The following PRKCH variants were observed in gnomAD, a reference collection of about 807,000 sequenced individuals.
The protein encoded by PRKCH is protein kinase C eta type.
A neutral mutation model predicts 82.5 loss-of-function variants in PRKCH; 28 were observed. The observed-to-expected ratio is 0.34, with a 90% CI of 0.25 to 0.47. The LOEUF is 0.47. Among genes scored for constraint, PRKCH ranks in the 20% least tolerant of loss-of-function variants. The probability of loss-of-function intolerance (pLI) is 1.00; values close to 1 mark genes in which losing one functional copy is unlikely to be tolerated. For synonymous variants in PRKCH, 322 were observed against 327.4 expected (o/e 0.98, Z 0.18); for missense variants, 705 against 881.8 (o/e 0.80, Z 2.54).
At chr14:61,528,973 C>CGTGTGTGGGTGT in intron 10 of PRKCH, 102 bp from the exon 11 acceptor site, 1 of 565,718 alleles carries the variant, frequency 1.8e-6, no homozygotes, top group Non-Finnish European at 2.6e-6. Context: ...TGTGGCCGCA[C>CGTGTGTGGGTGT]GTGTGTGTGT....
In PRKCH at chr14:61,281,143, G is replaced by A. The variant is rs1482775329; in HGVS notation, c.-19+93475G>A. On this transcript the variant is annotated intron_variant, in intron 1 of 3. Coordinates refer to the PRKCH transcript ENST00000555185. ...GGCGCCCCGGGCCGTGGCGCTCCAG[G>A]TCATGGCGGCCGCGCGGGGACCGAC... The A allele has an allele frequency of 1.1e-5, 15 of 1,350,412 alleles. No homozygotes were observed. The South Asian group carries it at 2.7e-4, about 24-fold the overall frequency. The allele number at this position is 1,350,412 out of a possible 1,614,324, so 83.7% of individuals were successfully genotyped here.
chr14:61,451,663 G>A (rs760935850), intron 6 of PRKCH, among the ~76,000 whole-genome samples: 1 of 152,238 alleles, frequency 6.6e-6, no homozygotes, highest in African/African-American at 2.4e-5. Context: ...GAGTTAGGGA[G>A]CTGTTGGCCT....
chr14:61,221,201 G>A (rs1386918577), intron 1 of PRKCH, among the ~76,000 whole-genome samples: 1 of 152,168 alleles, frequency 6.6e-6, no homozygotes, highest in African/African-American at 2.4e-5. Context: ...AGAGCCCACG[G>A]GTTACCGAGA....
At chr14:61,345,115 G>C (rs1323041945) in intron 1 of PRKCH, among the ~76,000 whole-genome samples, 2 of 151,954 alleles carry the variant, frequency 1.3e-5, no homozygotes, top group Non-Finnish European at 2.9e-5. Flanking sequence ...CTATTTTTAG[G>C]GGTAACAAGT....
chr14:61,267,841 T>A (rs2045117515), intron 1 of PRKCH, among the ~76,000 whole-genome samples: 1 of 152,172 alleles, frequency 6.6e-6, no homozygotes, highest in African/African-American at 2.4e-5. Context: ...TATGTACCAC[T>A]AAGAAAAAAA....
intron 1 of PRKCH, among the ~76,000 whole-genome samples, chr14:61,354,494 C>T (rs1305147579): frequency 6.6e-6 from 1 of 151,500 alleles, no homozygotes; most frequent in African/African-American, 2.4e-5. Flanking sequence ...CTTTTTTTCC[C>T]CCTATATTTA....
intron 1 of PRKCH, among the ~76,000 whole-genome samples, chr14:61,244,797 C>T (rs1022522057): frequency 1.3e-5 from 2 of 152,176 alleles, no homozygotes; most frequent in African/African-American, 4.8e-5. Flanking sequence ...ACCTATTATG[C>T]CTCACACTTT....
At chr14:61,503,293 G>GTTT (rs779965799) in intron 10 of PRKCH, among the ~76,000 whole-genome samples, 13 of 138,206 alleles carry the variant, frequency 9.4e-5, no homozygotes, top group African/African-American at 3.4e-4. Context: ...TGTGTTAGTG[G>GTTT]TTTTTTTTTT....
intron 1 of PRKCH, among the ~76,000 whole-genome samples, chr14:61,285,870 C>T (rs1014768505): frequency 1.3e-5 from 2 of 152,196 alleles, no homozygotes; most frequent in African/African-American, 4.8e-5. Flanking sequence ...AAACGTTAAC[C>T]TTGAACCAGT....
chr14:61,443,202 G>A lies in PRKCH; in HGVS notation c.519G>A (p.Lys173=). The change falls in exon 3 of 14, where the codon AAG becomes AAA. Residue 173 remains lysine (K), a synonymous_variant. Transcript: ENST00000332981. ...RRRVHQINGH[K]FMATYLRQPT... is the part of the protein sequence containing the mutation. The stretch of plus-strand genomic sequence containing the variant: ...GAGTCCACCAGATCAATGGACACAA[G>A]TTCATGGCCACGTATCTGAGGCAGC... The A allele has an allele frequency of 1.2e-6, 2 of 1,614,094 alleles. No homozygotes were observed. Among genetic ancestry groups the A allele is most frequent in the Non-Finnish European group, 1.7e-6 (2 of 1,179,974 alleles).
chr14:61,364,800 A>G (rs1256632817), intron 1 of PRKCH, among the ~76,000 whole-genome samples: 1 of 152,066 alleles, frequency 6.6e-6, no homozygotes, highest in African/African-American at 2.4e-5. Flanking sequence ...TGATTGCACC[A>G]TTGCGCTCCA....
chr14:61,434,511 C>T (rs77275642), intron 2 of PRKCH, among the ~76,000 whole-genome samples: 2,607 of 151,888 alleles, frequency 0.017, 77 homozygotes, highest in African/African-American at 0.059. Flanking sequence ...TTATGGATGA[C>T]GTCAATAGAG....
At chr14:61,239,041 T>A (rs945975160) in intron 1 of PRKCH, among the ~76,000 whole-genome samples, 2 of 152,020 alleles carry the variant, frequency 1.3e-5, no homozygotes, top group Non-Finnish European at 2.9e-5. Flanking sequence ...CTAGGTGGAG[T>A]CAGGCAATCT....
intron 10 of PRKCH, among the ~76,000 whole-genome samples, chr14:61,486,703 A>G (rs1886242142): frequency 7.2e-6 from 1 of 139,204 alleles, no homozygotes; most frequent in South Asian, 2.2e-4. Context: ...TTTTTAAGAC[A>G]GTGTCTTGCT....
At chr14:61,237,292 A>G (rs1260846431) in intron 1 of PRKCH, among the ~76,000 whole-genome samples, 1 of 152,098 alleles carries the variant, frequency 6.6e-6, no homozygotes, top group Non-Finnish European at 1.5e-5. Flanking sequence ...CTAGTATAGC[A>G]TCACATGACA....
At chr14:61,262,202 CAG>C (rs2045052546) in intron 1 of PRKCH, among the ~76,000 whole-genome samples, 1 of 104,682 alleles carries the variant, frequency 9.6e-6, no homozygotes, top group South Asian at 3.0e-4. Flanking sequence ...AGCTCAGTGA[CAG>C]AGTGAGACTC....
At chr14:61,243,984 C>T (rs2044861067) in intron 1 of PRKCH, among the ~76,000 whole-genome samples, 1 of 151,710 alleles carries the variant, frequency 6.6e-6, no homozygotes, top group African/African-American at 2.4e-5. Flanking sequence ...CTTTAGCTTT[C>T]TCTATACAGG....
chr14:61,536,298 T>C (rs1299169737), intron 12 of PRKCH, among the ~76,000 whole-genome samples: 1 of 152,170 alleles, frequency 6.6e-6, no homozygotes, highest in Non-Finnish European at 1.5e-5. Context: ...AGGGTAGTAA[T>C]GAAGGGTACC....
Position 61,546,874 on chromosome 14 carries a change from G to C in PRKCH, c.1762-869G>C, listed in dbSNP as rs117046118. ...GAACCACACTCCGGCCATGAAAAGT[G>C]AATTATCCTGTACTAATCCTTGCTC... On this transcript the variant is annotated intron_variant, in intron 12 of 13. Transcript: ENST00000332981. Among the ~76,000 whole-genome samples, 208 of 152,332 alleles carry C rather than the reference G, an allele frequency of 1.4e-3. 3 individuals are homozygous for C. The East Asian group carries it at 0.033, about 24-fold the overall frequency.
Sources: allele counts gnomAD v4.1 joint callset (sites outside exome capture counted in the v4.1 genomes callset), GRCh38; gene constraint gnomAD v4.1.1; transcripts MANE v1.5; gene names NCBI Gene and HGNC (gene_info 2026-07-23, HGNC 2026-07-21).